Variants in EFCAB11 observed in about 807,000 individuals in gnomAD.
The protein encoded by EFCAB11 is EF-hand calcium binding domain 11, also known as EF-hand calcium-binding domain-containing protein 11.
EFCAB11 carries 14 observed loss-of-function variants against 23.0 expected under a neutral mutation model. The ratio of observed to expected loss-of-function variants is 0.61; its 90% CI spans 0.40 to 0.95. The LOEUF (loss-of-function observed/expected upper bound fraction) is 0.95, where lower values mean the gene tolerates loss of function less well. Among genes scored for constraint, EFCAB11 ranks in the 40% least tolerant of loss-of-function variants. The pLI is 0.00. For synonymous variants in EFCAB11, 65 were observed against 66.6 expected (o/e 0.98, Z 0.11); for missense variants, 198 against 195.8 (o/e 1.01, Z -0.07).
chr14:89,878,074 T>C (rs1888493760), intron 5 of EFCAB11, among the ~76,000 whole-genome samples: 1 of 152,202 alleles, frequency 6.6e-6, no homozygotes, highest in Non-Finnish European at 1.5e-5. Context: ...CTCAAATGGA[T>C]AGGGGAAAAA....
intron 3 of EFCAB11, among the ~76,000 whole-genome samples, chr14:89,933,602 T>C (rs1425744000): frequency 6.6e-6 from 1 of 152,202 alleles, no homozygotes; most frequent in East Asian, 1.9e-4. Context: ...GAAAAAGAAA[T>C]CTGTCTCTTT....
intron 5 of EFCAB11, among the ~76,000 whole-genome samples, chr14:89,901,496 C>T (rs1220467267): frequency 6.6e-6 from 1 of 152,144 alleles, no homozygotes; most frequent in Non-Finnish European, 1.5e-5. Flanking sequence ...TTCTTGGGCC[C>T]AGCACGCACC....
chr14:89,858,647 AC>A (rs1887825480), intron 5 of EFCAB11, among the ~76,000 whole-genome samples: 1 of 132,196 alleles, frequency 7.6e-6, no homozygotes, highest in African/African-American at 2.8e-5. Flanking sequence ...GCATCACCAC[AC>A]CCAGCTAATT....
intron 5 of EFCAB11, among the ~76,000 whole-genome samples, chr14:89,870,855 G>A (rs994707752): frequency 1.1e-4 from 17 of 151,804 alleles, no homozygotes; most frequent in East Asian, 5.8e-4. Flanking sequence ...CAGGAGAACC[G>A]CTTGAACCCG....
intron 5 of EFCAB11, among the ~76,000 whole-genome samples, chr14:89,879,790 A>G (rs1031720300): frequency 2.8e-4 from 43 of 152,170 alleles, no homozygotes; most frequent in African/African-American, 8.4e-4. Flanking sequence ...AGATTACCCA[A>G]TATTCAGCTT....
intron 5 of EFCAB11, among the ~76,000 whole-genome samples, chr14:89,911,660 G>C (rs1414818198): frequency 6.6e-6 from 1 of 152,218 alleles, no homozygotes; most frequent in Non-Finnish European, 1.5e-5. Flanking sequence ...AGTCCATGTA[G>C]CCCAAGCACA....
intron 5 of EFCAB11, chr14:89,924,806 G>T: frequency 9.5e-7 from 1 of 1,049,858 alleles, no homozygotes; most frequent in Non-Finnish European, 1.3e-6. Context: ...CTCTTTCCTA[G>T]TTTATGAGAA....
chr14:89,869,807 T>C (rs1317742064), intron 5 of EFCAB11, among the ~76,000 whole-genome samples: 1 of 152,146 alleles, frequency 6.6e-6, no homozygotes, highest in Non-Finnish European at 1.5e-5. Context: ...TCACAAAGAA[T>C]CTAGTGTCCT....
intron 3 of EFCAB11, 65 bp from the exon 4 acceptor site, chr14:89,932,692 C>A: frequency 8.4e-7 from 1 of 1,193,310 alleles, no homozygotes; most frequent in Non-Finnish European, 1.2e-6. Flanking sequence ...AAAAATTAAA[C>A]AGAAATGGAC....
Position 89,917,527 on chromosome 14 carries a change from C to T in EFCAB11, c.410+14014G>A, listed in dbSNP as rs186188561. 2.9e-3 allele frequency among the ~76,000 whole-genome samples: 441 copies of T among 152,254 alleles called. 2 individuals carry two copies. Among genetic ancestry groups the T allele is most frequent in the African/African-American group, 9.8e-3 (408 of 41,552 alleles). On this transcript the variant is annotated intron_variant, in intron 5 of 5. Coordinates refer to ENST00000316738, the MANE Select transcript of EFCAB11 (RefSeq NM_145231.4). ...CTTAATATGGGTTTCCATATCTCGGCTATTGTGAATAATGCTGCAATTAAC... is the reference window on the plus strand; with the variant it reads ...CTTAATATGGGTTTCCATATCTCGGTTATTGTGAATAATGCTGCAATTAAC...
At chr14:89,893,450 G>A (rs1257798597) in intron 5 of EFCAB11, among the ~76,000 whole-genome samples, 1 of 152,130 alleles carries the variant, frequency 6.6e-6, no homozygotes, top group African/African-American at 2.4e-5. Flanking sequence ...TCTGGCTGGG[G>A]AACCCATCAA....
At chr14:89,907,813 C>G (rs1166881302) in intron 5 of EFCAB11, among the ~76,000 whole-genome samples, 1 of 152,180 alleles carries the variant, frequency 6.6e-6, no homozygotes, top group Non-Finnish European at 1.5e-5. Flanking sequence ...CTGGTCCAAG[C>G]CAAATTCCAG....
chr14:89,847,963 A>G (rs1458277465), intron 5 of EFCAB11, among the ~76,000 whole-genome samples: 1 of 152,200 alleles, frequency 6.6e-6, no homozygotes, highest in African/African-American at 2.4e-5. Flanking sequence ...AAAATAATGT[A>G]TGTAAAGCAC....
chr14:89,909,511 G>T (rs984138530), intron 5 of EFCAB11, among the ~76,000 whole-genome samples: 4 of 150,846 alleles, frequency 2.7e-5, no homozygotes, highest in African/African-American at 9.9e-5. Flanking sequence ...AGCCGGGGGG[G>T]CGGACGTTGC....
rs114264537 is a variant in EFCAB11, at chr14:89,853,073, A to G, written c.411-55749T>C. On this transcript the variant is annotated intron_variant, in intron 5 of 5. Transcript: ENST00000316738. Reference sequence around the variant, plus strand: ...CAGGAAAAAGCTGCTGTCTTTTTATACTTTTACATTCCATCTGTTTGCCTG... The same window carrying G: ...CAGGAAAAAGCTGCTGTCTTTTTATGCTTTTACATTCCATCTGTTTGCCTG... Among the ~76,000 whole-genome samples the G allele has an allele frequency of 3.5e-3, 530 of 152,342 alleles. 2 individuals carry two copies. The highest frequency in any genetic ancestry group is 0.012 in the African/African-American group (498 of 41,574).
chr14:89,812,559 G>A (rs17126344), intron 5 of EFCAB11, among the ~76,000 whole-genome samples: 4,231 of 152,242 alleles, frequency 0.028, 203 homozygotes, highest in African/African-American at 0.095. Flanking sequence ...AACTAGGGGC[G>A]GAAAGGTGTG....
rs34495717 is a variant in EFCAB11 at position 89,954,306 on chromosome 14, G to A, written c.75+280C>T. 41 of 1,520,384 alleles carry A rather than the reference G, an allele frequency of 2.7e-5. No individual in the cohort carries two copies. In the African/African-American group the frequency reaches 4.3e-4, roughly 16 times the overall value. The allele number at this position is 1,520,384 out of a possible 1,614,324, so 94.2% of individuals were successfully genotyped here. On this transcript the variant is annotated intron_variant, in intron 1 of 5. Coordinates refer to ENST00000316738, the MANE Select transcript of EFCAB11 (RefSeq NM_145231.4). Reference sequence around the variant, plus strand: ...TCAGTCCTGGAGTTAGGAAGGTGAGGCAAAGGGGCTGGCTTTGAAAGGCGG... The same window carrying A: ...TCAGTCCTGGAGTTAGGAAGGTGAGACAAAGGGGCTGGCTTTGAAAGGCGG...
intron 5 of EFCAB11, among the ~76,000 whole-genome samples, chr14:89,914,740 G>A (rs943817590): frequency 4.0e-5 from 6 of 151,562 alleles, no homozygotes; most frequent in Admixed American, 2.6e-4. Flanking sequence ...AGCCAAGATC[G>A]CACCACTGCA....
intron 5 of EFCAB11, among the ~76,000 whole-genome samples, chr14:89,896,866 TG>T (rs1204568673): frequency 6.6e-6 from 1 of 152,028 alleles, no homozygotes; most frequent in Non-Finnish European, 1.5e-5. Context: ...TAGGGCTATA[TG>T]TATGTGCCAC....
Sources: allele counts gnomAD v4.1 joint callset (sites outside exome capture counted in the v4.1 genomes callset), GRCh38; gene constraint gnomAD v4.1.1; transcripts MANE v1.5; gene names NCBI Gene and HGNC (gene_info 2026-07-23, HGNC 2026-07-21).